TEAD1: variants seen among roughly 807,000 people sequenced by gnomAD.
TEAD1 encodes the protein transcriptional enhancer factor TEF-1.
In TEAD1, 9 loss-of-function variants were observed where a neutral mutation model predicts 54.9. The observed-to-expected ratio is 0.16, with a 90% CI of 0.10 to 0.29. The LOEUF is 0.29. TEAD1 is among the 10% of genes least tolerant of loss of function. The pLI is 1.00. For synonymous variants in TEAD1, 200 were observed against 187.8 expected, an observed-to-expected ratio of 1.07 and a Z score of -0.53; for missense variants, 387 against 535.9, an observed-to-expected ratio of 0.72 and a Z score of 2.74.
chr11:12,740,433 T>C (rs1944627314), intron 2 of TEAD1, among the ~76,000 whole-genome samples: 1 of 152,226 alleles, frequency 6.6e-6, no homozygotes, highest in African/African-American at 2.4e-5. Flanking sequence ...AATGTGTGTA[T>C]GTGAAAATTG....
In TEAD1 at chr11:12,939,859, T is replaced by TA; in HGVS notation, c.*2637_*2638insA. On this transcript the variant is annotated 3_prime_UTR_variant, in exon 13 of 13. Transcript: ENST00000527636. ...CTTTGTCTCTCCCAGATTAGACCTT[T>TA]GGGTGAGATTGGCATCACAACATCT... The TA allele has an allele frequency of 6.6e-6, 1 of 152,380 alleles. No homozygotes were observed. The highest frequency in any genetic ancestry group is 1.5e-5 in the Non-Finnish European group (1 of 68,056). The allele number at this position is 152,380 out of a possible 1,614,324, so 9.4% of individuals were successfully genotyped here.
intron 2 of TEAD1, among the ~76,000 whole-genome samples, chr11:12,732,066 A>G (rs1269040535): frequency 6.6e-6 from 1 of 151,694 alleles, no homozygotes; most frequent in African/African-American, 2.4e-5. Context: ...TCTCCATCCT[A>G]TACTTGTGAG....
intron 3 of TEAD1, among the ~76,000 whole-genome samples, chr11:12,771,389 G>A (rs916400900): frequency 6.6e-6 from 1 of 152,234 alleles, no homozygotes; most frequent in Non-Finnish European, 1.5e-5. Flanking sequence ...TAGTCCGGTA[G>A]GAGAGCCTGA....
chr11:12,835,951 A>G (rs979374412), intron 3 of TEAD1, among the ~76,000 whole-genome samples: 2 of 152,182 alleles, frequency 1.3e-5, no homozygotes, highest in African/African-American at 2.4e-5. Flanking sequence ...AATGTGGCGT[A>G]TATTTCAAAA....
chr11:12,782,186 A>G (rs919055760), intron 3 of TEAD1, among the ~76,000 whole-genome samples: 1 of 152,104 alleles, frequency 6.6e-6, no homozygotes, highest in Non-Finnish European at 1.5e-5. Flanking sequence ...TCTAATAATC[A>G]GAAAGTGGAA....
chr11:12,806,751 A>G (rs942121953), intron 3 of TEAD1, among the ~76,000 whole-genome samples: 9 of 152,240 alleles, frequency 5.9e-5, no homozygotes, highest in Admixed American at 2.6e-4. Context: ...AATGATCTAA[A>G]CATCAACATA....
At chr11:12,854,815 C>T (rs1299609689) in intron 3 of TEAD1, among the ~76,000 whole-genome samples, 2 of 149,392 alleles carry the variant, frequency 1.3e-5, no homozygotes, top group Non-Finnish European at 3.0e-5. Flanking sequence ...AGGCTGGTCT[C>T]AAACTCCTGG....
chr11:12,841,452 C>A (rs543755077), intron 3 of TEAD1, among the ~76,000 whole-genome samples: 35 of 152,284 alleles, frequency 2.3e-4, no homozygotes, highest in African/African-American at 7.5e-4. Context: ...TACAGTTTTT[C>A]TCGATTATTT....
rs78859153 is a variant in TEAD1 at position 12,683,611 on chromosome 11, G to C, written c.-55+8050G>C. On this transcript the variant is annotated intron_variant, in intron 2 of 12. Transcript: ENST00000527636. ...GGGGATTTTTTCCAGATGCCATTTT[G>C]GGGGGTGAGTTGGGAGTAGGTTGTT... is the stretch of plus-strand genomic sequence containing the variant. 1.5e-3 allele frequency among the ~76,000 whole-genome samples: 221 copies of C among 152,198 alleles called. 3 individuals are homozygous for C. In the East Asian group the frequency reaches 0.038, roughly 26 times the overall value.
intron 3 of TEAD1, among the ~76,000 whole-genome samples, chr11:12,765,043 A>T (rs1945178133): frequency 6.6e-6 from 1 of 152,072 alleles, no homozygotes; most frequent in African/African-American, 2.4e-5. Context: ...TTGAATGGTC[A>T]GACAAGGCAT....
At position 12,939,535 on chromosome 11, in the gene TEAD1, C is replaced by T. The variant is rs1311951499; in HGVS notation, c.*2313C>T. The stretch of plus-strand genomic sequence containing the variant: ...TCCAAAGCACAAAAATACTGGGACC[C>T]AAGAAGAACAGCTAGAGGACAACTC... On this transcript the variant is annotated 3_prime_UTR_variant, in exon 13 of 13. Transcript: ENST00000527636. 1 of 152,236 alleles carries T rather than the reference C, an allele frequency of 6.6e-6. No homozygotes were observed. The highest frequency in any genetic ancestry group is 2.1e-4 in the South Asian group (1 of 4,826). 9.4% of individuals were successfully genotyped at this position (152,236 alleles called of 1,614,324 possible).
chr11:12,811,058 C>A (rs1337439644), intron 3 of TEAD1, among the ~76,000 whole-genome samples: 2 of 152,176 alleles, frequency 1.3e-5, no homozygotes, highest in Non-Finnish European at 2.9e-5. Context: ...GGATGACGTC[C>A]CTTGCAACTC....
At chr11:12,901,339 C>T (rs550718084) in intron 9 of TEAD1, among the ~76,000 whole-genome samples, 3 of 152,076 alleles carry the variant, frequency 2.0e-5, no homozygotes, top group African/African-American at 4.8e-5. Flanking sequence ...TAGATCTTCT[C>T]TGTGATCTGT....
At chr11:12,890,451 C>G (rs532258398) in intron 9 of TEAD1, among the ~76,000 whole-genome samples, 8 of 152,278 alleles carry the variant, frequency 5.3e-5, no homozygotes, top group Non-Finnish European at 1.0e-4. Flanking sequence ...TCATCATGCT[C>G]TAGTGGCAGC....
chr11:12,746,847 T>TGGGCTGA (rs1477245664), intron 2 of TEAD1, among the ~76,000 whole-genome samples: 2 of 152,230 alleles, frequency 1.3e-5, no homozygotes, highest in Admixed American at 1.3e-4. Flanking sequence ...TGAAGCAGGC[T>TGGGCTGA]GGGCTGAGGG....
intron 2 of TEAD1, among the ~76,000 whole-genome samples, chr11:12,750,416 C>T (rs987258070): frequency 5.9e-5 from 9 of 152,154 alleles, no homozygotes; most frequent in South Asian, 2.1e-4. Flanking sequence ...TGAAGGGAGA[C>T]GTCACATTGT....
chr11:12,800,828 T>C (rs187816161), intron 3 of TEAD1, among the ~76,000 whole-genome samples: 93 of 152,322 alleles, frequency 6.1e-4, no homozygotes, highest in Non-Finnish European at 1.1e-3. Flanking sequence ...AAGGCTAGTC[T>C]CATAGATTTC....
intron 2 of TEAD1, among the ~76,000 whole-genome samples, chr11:12,758,706 AC>A (rs1304319264): frequency 2.6e-5 from 4 of 151,658 alleles, no homozygotes; most frequent in Non-Finnish European, 5.9e-5. Flanking sequence ...GGGCCACCCT[AC>A]CTGGCCATTT....
intron 3 of TEAD1, among the ~76,000 whole-genome samples, chr11:12,800,577 C>A (rs1425009088): frequency 6.6e-6 from 1 of 152,180 alleles, no homozygotes; most frequent in African/African-American, 2.4e-5. Context: ...TACTAAGGTG[C>A]TGATTCAAGG....
Sources: allele counts gnomAD v4.1 joint callset (sites outside exome capture counted in the v4.1 genomes callset), GRCh38; gene constraint gnomAD v4.1.1; transcripts MANE v1.5; gene names NCBI Gene and HGNC (gene_info 2026-07-23, HGNC 2026-07-21).